Variants in PECAM1 observed in about 807,000 individuals in gnomAD.
PECAM1 encodes platelet and endothelial cell adhesion molecule 1.
A neutral mutation model predicts 13.8 loss-of-function variants in PECAM1; 8 were observed. The ratio of observed to expected loss-of-function variants is 0.58; its 90% CI spans 0.34 to 1.05. PECAM1 has a LOEUF of 1.05. Among genes scored for constraint, PECAM1 ranks in the 50% least tolerant of loss-of-function variants. The pLI, the probability that PECAM1 is intolerant of heterozygous loss-of-function variation, is 0.03. For missense variants in PECAM1, 304 were observed against 141.2 expected (o/e 2.15, Z -5.84); for synonymous variants, 136 against 52.6 (o/e 2.58, Z -6.86).
chr17:64,337,740 C>G, intron 14 of PECAM1, among the ~76,000 whole-genome samples: 2 of 152,016 alleles, frequency 1.3e-5, no homozygotes, highest in Admixed American at 1.3e-4. Context: ...ACCTGGAGAC[C>G]CCGAGAGAAC....
Position 64,339,518 on chromosome 17 carries a change from A to G in PECAM1, c.2164+2116T>C, listed in dbSNP as rs936542542. Among the ~76,000 whole-genome samples the G allele has an allele frequency of 4.3e-4, 66 of 152,278 alleles. 1 individual carries two copies. Among genetic ancestry groups the G allele is most frequent in the African/African-American group, 1.6e-3 (65 of 41,562 alleles). ...AAGCGAACACTCTCAGGGACCACCA[A>G]GAAAGTAGAAGGGGCATTTTTGTAC... On this transcript the variant is annotated intron_variant, in intron 14 of 15. Transcript: ENST00000563924.
intron 5 of PECAM1, among the ~76,000 whole-genome samples, chr17:64,369,082 A>G (rs1163937867): frequency 2.6e-5 from 4 of 151,484 alleles, no homozygotes; most frequent in South Asian, 4.2e-4. Context: ...GATTACAGGC[A>G]TGCTGCCATG....
chr17:64,376,943 T>G (rs2036372500), intron 3 of PECAM1, among the ~76,000 whole-genome samples: 1 of 152,152 alleles, frequency 6.6e-6, no homozygotes, highest in Non-Finnish European at 1.5e-5. Context: ...GCCATTGCTC[T>G]TTAGCCTGGG....
intron 13 of PECAM1, among the ~76,000 whole-genome samples, chr17:64,345,282 G>A (rs1251522788): frequency 6.6e-6 from 1 of 152,136 alleles, no homozygotes; most frequent in Non-Finnish European, 1.5e-5. Flanking sequence ...AAGGTTAGGA[G>A]GGCTTTGCTG....
intron 9 of PECAM1, among the ~76,000 whole-genome samples, chr17:64,354,711 A>G (rs1278652506): frequency 6.6e-6 from 1 of 152,248 alleles, no homozygotes; most frequent in African/African-American, 2.4e-5. Context: ...CTCTACACGC[A>G]TTACAGGACT....
Position 64,363,228 on chromosome 17 carries a change from C to T in PECAM1, c.1137G>A (p.Ser379=), listed in dbSNP as rs1481898429. The T allele has an allele frequency of 8.8e-5, 42 of 475,238 alleles. No individual in the cohort carries two copies. Among genetic ancestry groups the T allele is most frequent in the Non-Finnish European group, 1.4e-4 (36 of 259,068 alleles). 29.4% of individuals were successfully genotyped at this position (475,238 alleles called of 1,614,324 possible). ...TQDFTKIASK[S]DSGTYICTAG... ...CAGTGCAGATATACGTCCCACTGTC[C>T]GACTTTGAGGCTATCTTGGTGAAAT... is the stretch of plus-strand genomic sequence containing the variant. Residue 379 remains serine (S), a synonymous_variant, in exon 6 of 16, where the codon TCG becomes TCA. Transcript: ENST00000563924.
chr17:64,363,831 A>G (rs1405057512), intron 5 of PECAM1, among the ~76,000 whole-genome samples: 1 of 151,826 alleles, frequency 6.6e-6, no homozygotes, highest in Non-Finnish European at 1.5e-5. Context: ...GTAATCCCAG[A>G]TACTTGGGAG....
At chr17:64,325,208 GA>G (rs375278000) in intron 15 of PECAM1, among the ~76,000 whole-genome samples, 114 of 152,178 alleles carry the variant, frequency 7.5e-4, no homozygotes, top group African/African-American at 2.6e-3. Flanking sequence ...CCAACATAGT[GA>G]AACCTTGTCT....
intron 4 of PECAM1, among the ~76,000 whole-genome samples, chr17:64,373,810 GT>G (rs2036295816): frequency 6.6e-6 from 1 of 152,090 alleles, no homozygotes; most frequent in Non-Finnish European, 1.5e-5. Context: ...CAAAATGTAA[GT>G]TTCCTATTTT....
In PECAM1 at chr17:64,390,632, A is replaced by T. The variant is rs1464381306; in HGVS notation, c.34T>A (p.Trp12Arg). 6 of 471,722 alleles carry T rather than the reference A, an allele frequency of 1.3e-5. No homozygotes were observed. The highest frequency in any genetic ancestry group is 1.9e-5 in the Non-Finnish European group (5 of 257,422). 29.2% of individuals were successfully genotyped at this position (471,722 alleles called of 1,614,324 possible). A position where few individuals can be genotyped will look rare whatever the true frequency, so the allele number is the denominator to read the frequency against. ...QPRWAQGATM[W>R]LGVLLTLLLC... ...AGAAGGGTCAGCAGGACTCCAAGCC[A>T]CATCGTGGCCCCTTGGGCCCACCTC... Residue 12 changes from tryptophan to arginine, a missense_variant, in exon 1 of 16, where the codon TGG (tryptophan) becomes AGG (arginine). Physicochemically the swap from Trp to Arg is moderately radical, Grantham distance 101. Coordinates refer to ENST00000563924, the MANE Select transcript of PECAM1 (RefSeq NM_000442.5).
chr17:64,386,118 G>A (rs2036587763), intron 2 of PECAM1, among the ~76,000 whole-genome samples: 1 of 152,178 alleles, frequency 6.6e-6, no homozygotes, highest in Non-Finnish European at 1.5e-5. Context: ...AACAGGACTT[G>A]TTTCTGGGGT....
chr17:64,321,778 C>A lies in PECAM1; in HGVS notation c.*2038G>T. On this transcript the variant is annotated 3_prime_UTR_variant, in exon 16 of 16. Transcript: ENST00000563924. Reference sequence around the variant, plus strand: ...CCTGTCTCAACAAAACAAAACAAAACAAAAAATTCAGTCGTGCTGCATAAG... The same window carrying A: ...CCTGTCTCAACAAAACAAAACAAAAAAAAAAATTCAGTCGTGCTGCATAAG... The A allele has an allele frequency of 7.6e-7, 1 of 1,313,924 alleles. No individual in the cohort carries two copies. Among genetic ancestry groups the A allele is most frequent in the South Asian group, 1.2e-5 (1 of 85,658 alleles). The allele number at this position is 1,313,924 out of a possible 1,614,324, so 81.4% of individuals were successfully genotyped here.
chr17:64,381,701 G>C (rs1195334978), intron 2 of PECAM1, among the ~76,000 whole-genome samples: 1 of 152,162 alleles, frequency 6.6e-6, no homozygotes, highest in Non-Finnish European at 1.5e-5. Flanking sequence ...TTAAATTCAA[G>C]TCATTTCCCA....
At chr17:64,337,707 C>G (rs2035317368) in intron 14 of PECAM1, among the ~76,000 whole-genome samples, 1 of 152,020 alleles carries the variant, frequency 6.6e-6, no homozygotes, top group Non-Finnish European at 1.5e-5. Flanking sequence ...TTCCAACAGC[C>G]CGGACTGAGT....
chr17:64,377,111 T>A (rs2036377129), intron 3 of PECAM1, among the ~76,000 whole-genome samples: 1 of 152,170 alleles, frequency 6.6e-6, no homozygotes, highest in Non-Finnish European at 1.5e-5. Context: ...TTCCTTTTAC[T>A]GGTGAGGATT....
chr17:64,355,617 G>A (rs1266513953), intron 8 of PECAM1, among the ~76,000 whole-genome samples: 21 of 152,136 alleles, frequency 1.4e-4, no homozygotes, highest in African/African-American at 5.1e-4. Context: ...GAGCCACTGC[G>A]CCCAGCCTAT....
intron 14 of PECAM1, among the ~76,000 whole-genome samples, chr17:64,340,727 A>C (rs1415492927): frequency 2.0e-5 from 3 of 152,084 alleles, no homozygotes; most frequent in Non-Finnish European, 4.4e-5. Context: ...CGGGAAGCGA[A>C]GTGGGGCCAG....
chr17:64,371,957 T>C (rs2036251453), intron 4 of PECAM1, among the ~76,000 whole-genome samples: 1 of 152,076 alleles, frequency 6.6e-6, no homozygotes, highest in South Asian at 2.1e-4. Flanking sequence ...ACAATGAAAA[T>C]GACAAGGCAT....
At chr17:64,382,779 G>A (rs933624283) in intron 2 of PECAM1, among the ~76,000 whole-genome samples, 10 of 151,388 alleles carry the variant, frequency 6.6e-5, no homozygotes, top group Non-Finnish European at 1.3e-4. Flanking sequence ...GCTCATGCCT[G>A]TAATCCCAGA....
Sources: allele counts gnomAD v4.1 joint callset (sites outside exome capture counted in the v4.1 genomes callset), GRCh38; gene constraint gnomAD v4.1.1; transcripts MANE v1.5; gene names NCBI Gene and HGNC (gene_info 2026-07-23, HGNC 2026-07-21).